Variants in ENTREP2 observed in about 807,000 individuals in gnomAD.
ENTREP2 encodes endosomal transmembrane epsin interactor 2.
At chr15:29,537,181 G>C in the ENTREP2 span, among the ~76,000 whole-genome samples, 2 of 152,000 alleles carry the variant, frequency 1.3e-5, no homozygotes, top group Non-Finnish European at 2.9e-5. Flanking sequence ...GCGATTGAAG[G>C]CAACTCGATC....
chr15:29,408,498 T>C, the ENTREP2 span, among the ~76,000 whole-genome samples: 1 of 152,172 alleles, frequency 6.6e-6, no homozygotes, highest in Non-Finnish European at 1.5e-5. Context: ...ACGGTCTTTG[T>C]TTTTATTCAC....
At chr15:29,206,680 TG>T in the ENTREP2 span, among the ~76,000 whole-genome samples, 5 of 152,130 alleles carry the variant, frequency 3.3e-5, no homozygotes, top group Non-Finnish European at 5.9e-5. Flanking sequence ...GGGTATGGTA[TG>T]TTTTTTTGAG....
At chr15:29,406,763 T>C in the ENTREP2 span, among the ~76,000 whole-genome samples, 1 of 152,088 alleles carries the variant, frequency 6.6e-6, no homozygotes, top group Non-Finnish European at 1.5e-5. Context: ...ACTATGAAAA[T>C]TGAGGATTCT....
At chr15:29,609,840 A>T in the ENTREP2 span, 1 of 150,516 alleles carries the variant, frequency 6.6e-6, no homozygotes, top group African/African-American at 2.4e-5. Context: ...TGAACACAGT[A>T]GGTGCTCAAA....
chr15:29,299,407 T>C, the ENTREP2 span, among the ~76,000 whole-genome samples: 2 of 152,140 alleles, frequency 1.3e-5, no homozygotes, highest in African/African-American at 2.4e-5. Context: ...CAGCGTCACC[T>C]TTTACCTACC....
chr15:29,657,484 G>GGGGGGGGGGGT, the ENTREP2 span, among the ~76,000 whole-genome samples: 2 of 12,140 alleles, frequency 1.6e-4, no homozygotes. Flanking sequence ...CTGGGGGGGC[G>GGGGGGGGGGGT]GGGGGGGGGG....
the ENTREP2 span, among the ~76,000 whole-genome samples, chr15:29,553,217 A>G: frequency 6.6e-6 from 1 of 152,112 alleles, no homozygotes; most frequent in East Asian, 1.9e-4. Flanking sequence ...AATTGCTTGA[A>G]CCCAGGAGGC....
the ENTREP2 span, among the ~76,000 whole-genome samples, chr15:29,255,905 G>A: frequency 1.3e-5 from 2 of 151,470 alleles, no homozygotes; most frequent in African/African-American, 4.8e-5. Flanking sequence ...GGATGCTGAG[G>A]CAGGAGAATA....
At chr15:29,415,749 C>A in the ENTREP2 span, among the ~76,000 whole-genome samples, 3 of 152,140 alleles carry the variant, frequency 2.0e-5, no homozygotes, top group Non-Finnish European at 4.4e-5. Context: ...ATCTAGAAAA[C>A]CCCGTCGTCT....
chr15:29,607,798 G>GGATAGAT, the ENTREP2 span, among the ~76,000 whole-genome samples: 1 of 149,832 alleles, frequency 6.7e-6, no homozygotes, highest in Admixed American at 6.6e-5. Context: ...TAGAATAGAG[G>GGATAGAT]GATAGATAGA....
At chr15:29,604,869 G>A in the ENTREP2 span, among the ~76,000 whole-genome samples, 3 of 152,184 alleles carry the variant, frequency 2.0e-5, no homozygotes, top group African/African-American at 7.2e-5. Context: ...GGGTGGAAGA[G>A]CCCTTACCGG....
At chr15:29,243,963 C>T in the ENTREP2 span, among the ~76,000 whole-genome samples, 1 of 152,202 alleles carries the variant, frequency 6.6e-6, no homozygotes, top group South Asian at 2.1e-4. Flanking sequence ...ATGCATAATT[C>T]TAAGATGAAA....
the ENTREP2 span, among the ~76,000 whole-genome samples, chr15:29,512,124 A>T: frequency 6.5e-3 from 995 of 152,256 alleles, 10 homozygotes; most frequent in African/African-American, 0.023. Context: ...GAAATGAGCC[A>T]ACCAGAACTA....
the ENTREP2 span, among the ~76,000 whole-genome samples, chr15:29,432,354 G>T: frequency 6.6e-6 from 1 of 152,160 alleles, no homozygotes; most frequent in Non-Finnish European, 1.5e-5. Flanking sequence ...GAGCTCTTGA[G>T]CATGGGTCTG....
At chr15:29,312,685 G>C in the ENTREP2 span, among the ~76,000 whole-genome samples, 1 of 152,160 alleles carries the variant, frequency 6.6e-6, no homozygotes, top group Admixed American at 6.5e-5. Flanking sequence ...ACTTAACTGA[G>C]AAATGCATGT....
the ENTREP2 span, among the ~76,000 whole-genome samples, chr15:29,310,376 G>A: frequency 6.6e-6 from 1 of 152,202 alleles, no homozygotes; most frequent in Non-Finnish European, 1.5e-5. Context: ...CCAGGACTGA[G>A]GGACGGATGA....
the ENTREP2 span, among the ~76,000 whole-genome samples, chr15:29,247,363 A>C: frequency 1.3e-5 from 2 of 152,236 alleles, no homozygotes; most frequent in Non-Finnish European, 2.9e-5. Flanking sequence ...TCTTGGCAAA[A>C]GAAAATCAAA....
chr15:29,234,465 C>T, the ENTREP2 span: 4 of 1,476,996 alleles, frequency 2.7e-6, no homozygotes, highest in South Asian at 1.1e-5. Context: ...GCTCTTGTGC[C>T]CAGCATTCGC....
At chr15:29,410,239 T>C in the ENTREP2 span, among the ~76,000 whole-genome samples, 4 of 152,246 alleles carry the variant, frequency 2.6e-5, no homozygotes, top group African/African-American at 7.2e-5. Context: ...TTTTCTGGCA[T>C]ACTTAGTTCA....
Sources: allele counts gnomAD v4.1 joint callset (sites outside exome capture counted in the v4.1 genomes callset), GRCh38; gene constraint gnomAD v4.1.1; transcripts MANE v1.5; gene names NCBI Gene and HGNC (gene_info 2026-07-23, HGNC 2026-07-21).